The following AIM2 variants were observed in gnomAD, a reference collection of about 807,000 sequenced individuals.
AIM2 encodes absent in melanoma 2.
A neutral mutation model predicts 27.7 loss-of-function variants in AIM2; 30 were observed. That is an observed-to-expected ratio of 1.08 (90% CI 0.81 to 1.47). The LOEUF is 1.47. Ranked by LOEUF, AIM2 falls within the 40% of genes most tolerant of loss-of-function variation. The pLI, the probability that AIM2 is intolerant of heterozygous loss-of-function variation, is 0.00. For synonymous variants in AIM2, 141 were observed against 145.3 expected (o/e 0.97, Z 0.21); for missense variants, 358 against 411.3 (o/e 0.87, Z 1.12).
intron 1 of AIM2, among the ~76,000 whole-genome samples, chr1:159,134,348 A>G (rs984345305): frequency 1.1e-4 from 16 of 152,186 alleles, no homozygotes; most frequent in African/African-American, 3.9e-4. Context: ...AGCTGGAGTA[A>G]TCTTTCCAAA....
intron 3 of AIM2, 109 bp downstream of exon 3, chr1:159,068,459 C>A: frequency 2.1e-6 from 3 of 1,416,180 alleles, no homozygotes; most frequent in Non-Finnish European, 1.9e-6. Flanking sequence ...TGTGGCCTTG[C>A]TTCCCTTATT....
At chr1:159,055,810 CACTT>C in the AIM2 span, among the ~76,000 whole-genome samples, 13 of 152,288 alleles carry the variant, frequency 8.5e-5, no homozygotes, top group Non-Finnish European at 1.8e-4. Flanking sequence ...TATTTTGTGA[CACTT>C]AATCTTCATA....
chr1:159,075,632 A>C (rs557245120), intron 1 of AIM2, among the ~76,000 whole-genome samples: 113 of 151,714 alleles, frequency 7.4e-4, no homozygotes, highest in South Asian at 4.0e-3. Flanking sequence ...AGAGAGAGAG[A>C]GAGCTAATAG....
At chr1:159,061,162 T>C (rs992758448), downstream of AIM2, among the ~76,000 whole-genome samples, 6 of 152,262 alleles carry the variant, frequency 3.9e-5, no homozygotes, top group African/African-American at 1.4e-4. Flanking sequence ...CAAATCTTTG[T>C]CAGCACTTGG....
Position 159,100,276 on chromosome 1 carries a change from T to C in AIM2, c.-15-33947A>G, listed in dbSNP as rs578177422. 2.6e-4 allele frequency among the ~76,000 whole-genome samples: 39 copies of C among 152,334 alleles called. 1 individual carries two copies. The South Asian group carries it at 8.1e-3, about 32-fold the overall frequency. On this transcript the variant is annotated intron_variant, in intron 1 of 2. Coordinates refer to the AIM2 transcript ENST00000368129. The stretch of plus-strand genomic sequence containing the variant: ...ACACTACTGTTTCTCTACTGCAACT[T>C]TAAAAAAATCTATCTGGTCACCTTA...
In AIM2 at chr1:159,063,647, A is replaced by G. The variant is rs750340497; in HGVS notation, c.844T>C (p.Phe282Leu). Residue 282 changes from phenylalanine (F) to leucine (L), a missense_variant, in exon 5 of 6, where the codon TTT becomes CTT. Transcript: ENST00000368130. ...KVTEKKKNIL[F>L]DLSDNTGKME... ...TTCCCAGTGTTGTCACTTAGGTCAA[A>G]TAATATGTTTTTCTTCTTTTCTGTT... The G allele has an allele frequency of 5.0e-6, 8 of 1,612,678 alleles. No individual in the cohort carries two copies. The highest frequency in any genetic ancestry group is 6.8e-6 in the Non-Finnish European group (8 of 1,179,654).
upstream of AIM2, among the ~76,000 whole-genome samples, chr1:159,145,038 C>T (rs1372067469): frequency 1.3e-5 from 2 of 152,148 alleles, no homozygotes; most frequent in Non-Finnish European, 2.9e-5. Context: ...AGAAGTGTTA[C>T]CATATACCAT....
At chr1:159,056,738 A>AAAC in the AIM2 span, among the ~76,000 whole-genome samples, 1 of 144,772 alleles carries the variant, frequency 6.9e-6, no homozygotes, top group Admixed American at 6.9e-5. Flanking sequence ...AAAAAAAAAA[A>AAAC]AAAAAAAAAA....
intron 1 of AIM2, among the ~76,000 whole-genome samples, chr1:159,115,257 C>A (rs1176690350): frequency 2.6e-5 from 4 of 152,122 alleles, no homozygotes; most frequent in Admixed American, 1.3e-4. Flanking sequence ...GGCCATACTG[C>A]CCAAGGTAAT....
chr1:159,090,470 C>T (rs1240554110), intron 1 of AIM2, among the ~76,000 whole-genome samples: 1 of 152,188 alleles, frequency 6.6e-6, no homozygotes, highest in East Asian at 1.9e-4. Context: ...CGTGTGACTG[C>T]TTCACATTTC....
intron 5 of AIM2, 97 bp from the exon 6 acceptor site, chr1:159,062,815 T>A (rs1238647750): frequency 2.6e-6 from 3 of 1,142,032 alleles, no homozygotes; most frequent in Non-Finnish European, 3.9e-6. Flanking sequence ...GTATGTATCA[T>A]CTTCTCATAA....
upstream of AIM2, chr1:159,081,220 A>G: frequency 4.7e-6 from 1 of 214,820 alleles, no homozygotes. Flanking sequence ...AAAATATACC[A>G]TAATGAAAGA....
intron 3 of AIM2, among the ~76,000 whole-genome samples, chr1:159,068,340 CAA>C (rs1274038735): frequency 2.0e-5 from 3 of 152,194 alleles, no homozygotes; most frequent in Non-Finnish European, 4.4e-5. Flanking sequence ...CAAAACATAA[CAA>C]AGTGTTAATG....
chr1:159,118,752 C>T (rs1280044476), intron 1 of AIM2, among the ~76,000 whole-genome samples: 2 of 152,154 alleles, frequency 1.3e-5, no homozygotes, highest in East Asian at 3.8e-4. Context: ...TCCTTCTACA[C>T]TTATTTGCTG....
At chr1:159,131,985 T>C (rs1200412731) in intron 1 of AIM2, among the ~76,000 whole-genome samples, 3 of 152,040 alleles carry the variant, frequency 2.0e-5, no homozygotes, top group Admixed American at 1.3e-4. Context: ...GACCCCAAAA[T>C]ACAGAAAATA....
intron 1 of AIM2, among the ~76,000 whole-genome samples, chr1:159,126,648 CAAAAA>C (rs35354479): frequency 8.8e-6 from 1 of 113,682 alleles, no homozygotes; most frequent in Non-Finnish European, 1.7e-5. Flanking sequence ...GACTACGTCT[CAAAAA>C]AAAAAAAAAA....
At chr1:159,057,329 A>G in the AIM2 span, among the ~76,000 whole-genome samples, 2 of 152,238 alleles carry the variant, frequency 1.3e-5, no homozygotes. Context: ...CATAAGCCGA[A>G]TGCTAAACTG....
intron 1 of AIM2, among the ~76,000 whole-genome samples, chr1:159,100,292 G>C (rs1188178107): frequency 6.6e-6 from 1 of 151,968 alleles, no homozygotes; most frequent in Non-Finnish European, 1.5e-5. Flanking sequence ...AAATCTATCT[G>C]GTCACCTTAT....
chr1:159,064,591 G>A (rs906535299), intron 4 of AIM2, among the ~76,000 whole-genome samples: 6 of 152,178 alleles, frequency 3.9e-5, no homozygotes, highest in East Asian at 1.9e-4. Flanking sequence ...TCAGCCTCCC[G>A]AGTAGCTGGG....
Sources: gnomAD v4.1 joint callset for allele counts (sites outside exome capture counted in the v4.1 genomes callset) on GRCh38, gnomAD v4.1.1 for gene constraint, MANE v1.5 for transcripts, NCBI Gene and HGNC (gene_info 2026-07-23, HGNC 2026-07-21) for gene names.